IQCM: variants seen among roughly 807,000 people sequenced by gnomAD.
IQCM encodes IQ domain-containing protein M.
A neutral mutation model predicts 57.6 loss-of-function variants in IQCM; 45 were observed. That is an observed-to-expected ratio of 0.78 (90% CI 0.62 to 1.00). IQCM has a LOEUF of 1.00. Among genes scored for constraint, IQCM ranks in the 50% least tolerant of loss-of-function variants. IQCM has a pLI of 0.00. For missense variants in IQCM, 468 were observed against 511.6 expected, an observed-to-expected ratio of 0.91 and a Z score of 0.82; for synonymous variants, 148 against 158.9, an observed-to-expected ratio of 0.93 and a Z score of 0.51.
intron 12 of IQCM, among the ~76,000 whole-genome samples, chr4:149,538,534 G>A (rs1043541595): frequency 6.6e-6 from 1 of 151,858 alleles, no homozygotes. Flanking sequence ...CATAAATGTA[G>A]CATATCAATT....
chr4:149,362,102 G>C (rs947759860), intron 13 of IQCM, among the ~76,000 whole-genome samples: 4 of 152,114 alleles, frequency 2.6e-5, no homozygotes, highest in Admixed American at 1.3e-4. Context: ...TTTTGGACTT[G>C]CATGGGCCCT....
At chr4:149,600,235 A>T (rs1461018264) in intron 8 of IQCM, among the ~76,000 whole-genome samples, 1 of 152,160 alleles carries the variant, frequency 6.6e-6, no homozygotes, top group African/African-American at 2.4e-5. Flanking sequence ...GCTAATAAAA[A>T]ATTGTTATAT....
intron 5 of IQCM, among the ~76,000 whole-genome samples, chr4:149,690,298 T>G (rs1233437794): frequency 4.6e-5 from 7 of 152,130 alleles, no homozygotes; most frequent in African/African-American, 1.7e-4. Flanking sequence ...TTGGAGACTA[T>G]TATTCTAAGT....
At chr4:149,789,510 C>A (rs1206861775) in intron 2 of IQCM, among the ~76,000 whole-genome samples, 2 of 152,074 alleles carry the variant, frequency 1.3e-5, no homozygotes, top group Non-Finnish European at 2.9e-5. Flanking sequence ...AACATCCAGA[C>A]AAATATTATG....
chr4:149,510,994 T>C (rs1216732011), intron 12 of IQCM, among the ~76,000 whole-genome samples: 1 of 152,226 alleles, frequency 6.6e-6, no homozygotes, highest in Non-Finnish European at 1.5e-5. Flanking sequence ...ATAATTTTCA[T>C]TTAAACTTTT....
At chr4:149,744,785 A>G (rs529854380) in intron 2 of IQCM, among the ~76,000 whole-genome samples, 1 of 152,286 alleles carries the variant, frequency 6.6e-6, no homozygotes, top group South Asian at 2.1e-4. Context: ...TAATAAAAGC[A>G]TATTTAGTGC....
intron 2 of IQCM, among the ~76,000 whole-genome samples, chr4:149,759,334 T>C (rs1182076636): frequency 1.3e-5 from 2 of 152,186 alleles, no homozygotes; most frequent in Non-Finnish European, 2.9e-5. Flanking sequence ...GGTGAATACA[T>C]GTCATTATAC....
chr4:149,796,975 A>G (rs1773168438), intron 2 of IQCM, among the ~76,000 whole-genome samples: 1 of 152,138 alleles, frequency 6.6e-6, no homozygotes, highest in Admixed American at 6.6e-5. Context: ...AAAGACTACA[A>G]TAAATACCTA....
At chr4:149,415,924 G>A (rs772069390) in intron 13 of IQCM, among the ~76,000 whole-genome samples, 4 of 152,008 alleles carry the variant, frequency 2.6e-5, no homozygotes, top group African/African-American at 4.8e-5. Flanking sequence ...AGGTGGGAGG[G>A]ATAGCATTAG....
intron 13 of IQCM, among the ~76,000 whole-genome samples, chr4:149,380,623 T>C (rs1175219096): frequency 1.3e-5 from 2 of 152,112 alleles, no homozygotes; most frequent in East Asian, 3.9e-4. Flanking sequence ...CGTTGGAAAG[T>C]CATCTTTATA....
At position 149,713,362 on chromosome 4, in the gene IQCM, CTT is replaced by C. The variant is rs1457574933; in HGVS notation, c.385+19880_385+19881del. Among the ~76,000 whole-genome samples, 10 of 152,288 alleles carry C rather than the reference CTT, an allele frequency of 6.6e-5. No individual in the cohort carries two copies. The East Asian group carries it at 1.7e-3, about 26-fold the overall frequency. ...TGTTGCCTCCCTCTTATTTTGTCAT[CTT>C]GTTTGAGAAAACACAAAGCCCTAGT... On this transcript the variant is annotated intron_variant, in intron 5 of 13. Coordinates refer to ENST00000636793, the MANE Select transcript of IQCM (RefSeq NM_001363507.2).
rs1486125903 is a variant in IQCM at position 149,512,219 on chromosome 4, C to G, written c.1228+36236G>C. On this transcript the variant is annotated intron_variant, in intron 12 of 13. Coordinates refer to ENST00000636793, the MANE Select transcript of IQCM (RefSeq NM_001363507.2). ...AATCAAGTACTCTTATTCCATTGAT[C>G]AGCTTCCCTTGGAAAGCTTAAGTAA... Among the ~76,000 whole-genome samples the G allele has an allele frequency of 2.0e-5, 3 of 152,144 alleles. No individual in the cohort carries two copies. In the East Asian group the frequency reaches 5.8e-4, roughly 29 times the overall value.
chr4:149,769,306 G>T (rs180908465), intron 2 of IQCM, among the ~76,000 whole-genome samples: 161 of 151,978 alleles, frequency 1.1e-3, no homozygotes, highest in Non-Finnish European at 1.4e-3. Context: ...GGACATATCC[G>T]CCCCCAAGGT....
At chr4:149,364,955 A>G (rs966177520) in intron 13 of IQCM, among the ~76,000 whole-genome samples, 1 of 152,028 alleles carries the variant, frequency 6.6e-6, no homozygotes, top group Non-Finnish European at 1.5e-5. Context: ...CAAAATGCAC[A>G]TGGATACAGA....
intron 2 of IQCM, among the ~76,000 whole-genome samples, chr4:149,806,566 T>A (rs1015935183): frequency 6.6e-6 from 1 of 151,994 alleles, no homozygotes; most frequent in African/African-American, 2.4e-5. Context: ...TACATATGAG[T>A]AGGAACAGGT....
At chr4:149,810,374 A>G (rs1774454335) in intron 2 of IQCM, among the ~76,000 whole-genome samples, 1 of 152,106 alleles carries the variant, frequency 6.6e-6, no homozygotes, top group East Asian at 1.9e-4. Context: ...AAAAAAAAAA[A>G]AAAAAAGAAA....
intron 13 of IQCM, among the ~76,000 whole-genome samples, chr4:149,430,893 T>A (rs1434026509): frequency 6.6e-6 from 1 of 151,994 alleles, no homozygotes; most frequent in Non-Finnish European, 1.5e-5. Context: ...GTATGGCAGA[T>A]GTATGTTTAA....
chr4:149,621,346 T>C (rs1756316707), intron 7 of IQCM, 102 bp from the exon 8 acceptor site: 1 of 435,728 alleles, frequency 2.3e-6, no homozygotes, highest in Non-Finnish European at 3.8e-6. Context: ...ATCATCTTTA[T>C]GGCCTCACTA....
chr4:149,513,826 G>C (rs1381750109), intron 12 of IQCM, among the ~76,000 whole-genome samples: 1 of 152,066 alleles, frequency 6.6e-6, no homozygotes, highest in African/African-American at 2.4e-5. Flanking sequence ...CTGGAGAATT[G>C]TTTGGTATTA....
Sources: gnomAD v4.1 joint callset for allele counts (sites outside exome capture counted in the v4.1 genomes callset) on GRCh38, gnomAD v4.1.1 for gene constraint, MANE v1.5 for transcripts, NCBI Gene and HGNC (gene_info 2026-07-23, HGNC 2026-07-21) for gene names.